Variants in C1QTNF3 observed in about 807,000 individuals in gnomAD.
C1QTNF3 encodes C1q and TNF related 3.
Under a neutral mutation model 32.6 loss-of-function variants are expected in C1QTNF3, and 26 were observed. The ratio of observed to expected loss-of-function variants is 0.80; its 90% confidence interval spans 0.58 to 1.11. The LOEUF is 1.11. C1QTNF3 is among the 50% of genes least tolerant of loss of function. The pLI is 0.00. For synonymous variants in C1QTNF3, 155 were observed against 146.0 expected, an observed-to-expected ratio of 1.06 and a Z score of -0.44; for missense variants, 362 against 398.2, an observed-to-expected ratio of 0.91 and a Z score of 0.77.
chr5:34,154,932 A>G, the C1QTNF3 span, among the ~76,000 whole-genome samples: 1 of 152,196 alleles, frequency 6.6e-6, no homozygotes, highest in Non-Finnish European at 1.5e-5. Flanking sequence ...GTATGCATGA[A>G]GCAATGCTAA....
chr5:34,167,592 G>C, the C1QTNF3 span: 1 of 152,188 alleles, frequency 6.6e-6, no homozygotes, highest in Non-Finnish European at 1.5e-5. Context: ...CACCCAGCCA[G>C]TAGGTTAGCA....
At chr5:34,159,198 T>C in the C1QTNF3 span, among the ~76,000 whole-genome samples, 1 of 152,038 alleles carries the variant, frequency 6.6e-6, no homozygotes, top group Non-Finnish European at 1.5e-5. Context: ...TCTGTGTATT[T>C]GAAATTCATA....
At chr5:34,102,849 G>GA in the C1QTNF3 span, among the ~76,000 whole-genome samples, 3 of 152,378 alleles carry the variant, frequency 2.0e-5, no homozygotes, top group South Asian at 6.2e-4. Context: ...GGGGGCTGGG[G>GA]GAGGGATAGC....
the C1QTNF3 span, among the ~76,000 whole-genome samples, chr5:34,224,531 G>C: frequency 6.6e-6 from 1 of 152,108 alleles, no homozygotes; most frequent in Non-Finnish European, 1.5e-5. Context: ...TGACAAACCT[G>C]AGAAAAATAA....
chr5:34,075,875 T>C, the C1QTNF3 span, among the ~76,000 whole-genome samples: 2 of 98,870 alleles, frequency 2.0e-5, no homozygotes, highest in South Asian at 3.4e-4. Context: ...TAAACAATTA[T>C]GGTGTGTGTG....
chr5:34,112,850 C>G, the C1QTNF3 span, among the ~76,000 whole-genome samples: 1 of 152,076 alleles, frequency 6.6e-6, no homozygotes, highest in Non-Finnish European at 1.5e-5. Flanking sequence ...ATTCAGCAGT[C>G]CATGAAGTTT....
the C1QTNF3 span, among the ~76,000 whole-genome samples, chr5:34,132,435 G>GTATGTA: frequency 1.3e-4 from 18 of 137,734 alleles, no homozygotes; most frequent in African/African-American, 3.8e-4. Flanking sequence ...GTATGTGTAT[G>GTATGTA]TATATATATA....
At chr5:34,171,549 T>A in the C1QTNF3 span, among the ~76,000 whole-genome samples, 1 of 152,062 alleles carries the variant, frequency 6.6e-6, no homozygotes, top group African/African-American at 2.4e-5. Context: ...AACTTTCACA[T>A]CTAAAACCAA....
chr5:34,120,920 A>C, the C1QTNF3 span, among the ~76,000 whole-genome samples: 59 of 152,242 alleles, frequency 3.9e-4, no homozygotes, highest in African/African-American at 1.3e-3. Flanking sequence ...TGAGCATGTG[A>C]TTCCTCATTT....
chr5:34,080,160 G>A, the C1QTNF3 span, among the ~76,000 whole-genome samples: 1 of 151,512 alleles, frequency 6.6e-6, no homozygotes, highest in Non-Finnish European at 1.5e-5. Context: ...ATTTTAAAAT[G>A]CTACTTTCAT....
chr5:34,134,557 T>C, the C1QTNF3 span, among the ~76,000 whole-genome samples: 1 of 152,142 alleles, frequency 6.6e-6, no homozygotes, highest in African/African-American at 2.4e-5. Flanking sequence ...CTGACTGCAA[T>C]ATCTAACAAA....
chr5:34,201,982 T>C, the C1QTNF3 span, among the ~76,000 whole-genome samples: 1 of 152,180 alleles, frequency 6.6e-6, no homozygotes, highest in African/African-American at 2.4e-5. Flanking sequence ...GGCACAAGGA[T>C]ATTGAATCCT....
chr5:34,021,360 A>G lies in C1QTNF3; in HGVS notation c.801-618T>C, dbSNP rs148100599. ...AGATCTAATGCCTGTAGGGTAAGAA[A>G]GGGAAGTGACTGGAAAAAGCCAAAG... On this transcript the variant is annotated intron_variant, in intron 5 of 5. Transcript: ENST00000382065. Among the ~76,000 whole-genome samples, 528 of 152,364 alleles carry G rather than the reference A, an allele frequency of 3.5e-3. 4 individuals carry two copies. The highest frequency in any genetic ancestry group is 0.017 in the Middle Eastern group (5 of 294).
the C1QTNF3 span, among the ~76,000 whole-genome samples, chr5:34,224,611 G>A: frequency 3.9e-5 from 6 of 152,192 alleles, no homozygotes; most frequent in Non-Finnish European, 8.8e-5. Flanking sequence ...GGAGAAAGCT[G>A]AAACTGGATC....
At chr5:34,175,596 T>C in the C1QTNF3 span, 51 of 440,550 alleles carry the variant, frequency 1.2e-4, no homozygotes, top group South Asian at 1.2e-3. Context: ...TAGCAGACTC[T>C]CATGTTTGCT....
At chr5:34,046,159 TG>T (rs1754982665), upstream of C1QTNF3, among the ~76,000 whole-genome samples, 1 of 152,332 alleles carries the variant, frequency 6.6e-6, no homozygotes, top group South Asian at 2.1e-4. Flanking sequence ...ATAAGGCAAT[TG>T]TACAACTGTA....
the C1QTNF3 span, among the ~76,000 whole-genome samples, chr5:34,187,762 A>C: frequency 6.6e-6 from 1 of 152,408 alleles, no homozygotes; most frequent in African/African-American, 2.4e-5. Flanking sequence ...ATTCGAGAAG[A>C]AGCAGAGCAT....
At chr5:34,147,285 T>G in the C1QTNF3 span, among the ~76,000 whole-genome samples, 1 of 152,232 alleles carries the variant, frequency 6.6e-6, no homozygotes, top group Admixed American at 6.5e-5. Context: ...AGCTACAATT[T>G]GTCCCAGCAA....
the C1QTNF3 span, among the ~76,000 whole-genome samples, chr5:34,139,858 T>C: frequency 6.6e-6 from 1 of 152,236 alleles, no homozygotes; most frequent in East Asian, 1.9e-4. Flanking sequence ...TTATCTGAAG[T>C]ACCGTCTTAT....
Sources: allele counts gnomAD v4.1 joint callset (sites outside exome capture counted in the v4.1 genomes callset), GRCh38; gene constraint gnomAD v4.1.1; transcripts MANE v1.5; gene names NCBI Gene and HGNC (gene_info 2026-07-23, HGNC 2026-07-21).